Variants in DNAH12 observed in about 807,000 individuals in gnomAD.
The protein encoded by DNAH12 is dynein axonemal heavy chain 12, also known as axonemal beta dynein heavy chain 12.
DNAH12 carries 285 observed loss-of-function variants against 371.5 expected under a neutral mutation model. That is an observed-to-expected ratio of 0.77 (90% CI 0.70 to 0.85). The LOEUF is 0.85. DNAH12 is among the 40% of genes least tolerant of loss of function. The pLI, the probability that DNAH12 is intolerant of heterozygous loss-of-function variation, is 0.00. For missense variants in DNAH12, 3,611 were observed against 3,689.4 expected, an observed-to-expected ratio of 0.98 and a Z score of 0.55; for synonymous variants, 1,200 against 1,213.0, an observed-to-expected ratio of 0.99 and a Z score of 0.22.
At position 57,483,400 on chromosome 3, in the gene DNAH12, G is replaced by A. The variant is rs369655732; in HGVS notation, c.1626C>T (p.Ile542=). Residue 542 remains isoleucine (I), a synonymous_variant, in exon 13 of 74, where the codon ATC becomes ATT. Transcript: ENST00000495027. ...SYVEKARTVG[I]EELILRIQES... ...CCTGGATCCTTAAAATCAACTCTTC[G>A]ATTCCTACAGTCCGGGCTTTTTCTA... is the stretch of plus-strand genomic sequence containing the variant. 12 of 1,546,670 alleles carry A rather than the reference G, an allele frequency of 7.8e-6. No individual in the cohort carries two copies. The highest frequency in any genetic ancestry group is 6.1e-5 in the Admixed American group (3 of 49,378).
intron 35 of DNAH12, among the ~76,000 whole-genome samples, chr3:57,424,464 C>A (rs2064693914): frequency 1.0e-5 from 1 of 98,328 alleles, no homozygotes; most frequent in Non-Finnish European, 1.9e-5. Context: ...GGGCAAGATT[C>A]CATCTCAAAA....
rs537804263 is a variant in DNAH12, at chr3:57,294,848, A to G, written c.11692+677T>C. Among the ~76,000 whole-genome samples, 12 of 152,366 alleles carry G rather than the reference A, an allele frequency of 7.9e-5. No homozygotes were observed. In the South Asian group the frequency reaches 2.5e-3, roughly 32 times the overall value. On this transcript the variant is annotated intron_variant, in intron 73 of 73. Transcript: ENST00000495027. ...TCCAAACTAAGGTCACGTTTCTCATAGTTATAACTGAACCACATTCGTAAT... is the reference window on the plus strand; with the variant it reads ...TCCAAACTAAGGTCACGTTTCTCATGGTTATAACTGAACCACATTCGTAAT...
At position 57,520,038 on chromosome 3, in the gene DNAH12, GTTGGGTTGGGGAAA is replaced by G. The variant is rs2068356481; in HGVS notation, c.279+3531_279+3544del. 21 of 681,916 alleles carry G rather than the reference GTTGGGTTGGGGAAA, an allele frequency of 3.1e-5. No homozygotes were observed. In the South Asian group the frequency reaches 3.7e-4, roughly 12 times the overall value. The allele number at this position is 681,916 out of a possible 1,614,324, so 42.2% of individuals were successfully genotyped here. ...TAGCGCCGCGGAGCCGATGGCCGAC[GTTGGGTTGGGGAAA>G]GCCGGAGGCTGTGGCGGCTCTGTGG... On this transcript the variant is annotated intron_variant, in intron 4 of 73. Transcript: ENST00000495027.
intron 60 of DNAH12, among the ~76,000 whole-genome samples, chr3:57,341,397 A>C (rs782223832): frequency 1.3e-5 from 2 of 152,208 alleles, no homozygotes; most frequent in Non-Finnish European, 2.9e-5. Context: ...AATTCAGTAA[A>C]GTTGCAGGAT....
Position 57,421,654 on chromosome 3 carries a change from T to C in DNAH12, c.5426A>G (p.Asp1809Gly). ...IWSIGGSCDTDGRRVFDTFIR... is the reference protein window; with the variant it reads ...IWSIGGSCDTGGRRVFDTFIR... Reference sequence around the variant, plus strand: ...GAAAGTATCAAAAACACGACGGCCATCTGTATCACAACTTCCTCCAATCGA... The same window carrying C: ...GAAAGTATCAAAAACACGACGGCCACCTGTATCACAACTTCCTCCAATCGA... Residue 1809 changes from aspartate (D) to glycine (G), a missense_variant, in exon 36 of 74, where the codon GAT becomes GGT. Asp to Gly is a moderately conservative substitution (Grantham distance 94). Around this residue, in one of 3 missense-constraint regions of DNAH12, gnomAD observed 2,266 missense variants for 2,236.9 expected, o/e 1.01. Transcript: ENST00000495027. 1 of 1,551,644 alleles carries C rather than the reference T, an allele frequency of 6.4e-7. No homozygotes were observed. Among genetic ancestry groups the C allele is most frequent in the Non-Finnish European group, 8.7e-7 (1 of 1,146,980 alleles).
At chr3:57,454,505 G>T (rs1260937572) in intron 23 of DNAH12, among the ~76,000 whole-genome samples, 2 of 151,250 alleles carry the variant, frequency 1.3e-5, no homozygotes, top group African/African-American at 4.9e-5. Flanking sequence ...ATGAATAGTT[G>T]TAATTTTAAG....
intron 11 of DNAH12, among the ~76,000 whole-genome samples, chr3:57,499,418 G>T (rs1575689696): frequency 6.6e-6 from 1 of 151,116 alleles, no homozygotes; most frequent in East Asian, 1.9e-4. Context: ...AATTAATAAA[G>T]AATTTTTAAA....
intron 59 of DNAH12, among the ~76,000 whole-genome samples, chr3:57,354,538 T>TAAAA (rs1372789364): frequency 7.6e-5 from 4 of 52,900 alleles, no homozygotes; most frequent in African/African-American, 1.9e-4. Flanking sequence ...TCTTGTTTGC[T>TAAAA]AAAAAAAAAA....
At chr3:57,519,656 C>T in intron 4 of DNAH12, 2 of 1,494,708 alleles carry the variant, frequency 1.3e-6, no homozygotes, top group Admixed American at 1.7e-5. Flanking sequence ...ACTAAGAAGC[C>T]TTCTAACCGC....
At chr3:57,420,193 C>T (rs1047188168) in intron 36 of DNAH12, among the ~76,000 whole-genome samples, 1 of 152,104 alleles carries the variant, frequency 6.6e-6, no homozygotes, top group Non-Finnish European at 1.5e-5. Context: ...CTTCACTCCA[C>T]CCCCAACCAT....
intron 62 of DNAH12, among the ~76,000 whole-genome samples, chr3:57,328,861 A>C (rs1404261461): frequency 1.5e-5 from 2 of 129,326 alleles, no homozygotes; most frequent in African/African-American, 3.2e-5. Flanking sequence ...AATTCAGCAA[A>C]GTCTCAGGAT....
At chr3:57,339,350 G>A (rs1339809899) in intron 60 of DNAH12, among the ~76,000 whole-genome samples, 1 of 146,026 alleles carries the variant, frequency 6.8e-6, no homozygotes, top group Non-Finnish European at 1.5e-5. Flanking sequence ...CCCCCTCTCC[G>A]AGAAACACCC....
At chr3:57,534,475 C>G (rs546415911) in intron 2 of DNAH12, among the ~76,000 whole-genome samples, 1 of 145,024 alleles carries the variant, frequency 6.9e-6, no homozygotes, top group Admixed American at 6.9e-5. Flanking sequence ...ACCATGATCA[C>G]TTTCTGAGGT....
chr3:57,309,796 G>C lies in DNAH12; in HGVS notation c.10955C>G (p.Ser3652Cys), dbSNP rs770472817. The change falls in exon 68 of 74, where the codon TCC becomes TGC. Residue 3652 changes from serine (S) to cysteine (C), a missense_variant. Physicochemically the swap from Ser to Cys is moderately radical, Grantham distance 112. Around this residue, in one of 3 missense-constraint regions of DNAH12, gnomAD observed 2,266 missense variants for 2,236.9 expected, o/e 1.01. Coordinates refer to ENST00000495027, the MANE Select transcript of DNAH12 (RefSeq NM_001366028.2). The stretch of plus-strand genomic sequence containing the variant: ...GGTTTTTGTTTGTTGAAGATCCTTG[G>C]AGATGTCAACGTTTTCATGTAATCC... ...IFGLHENVDISKDLQQTKTLF... is the reference protein window; with the variant it reads ...IFGLHENVDICKDLQQTKTLF... 4 of 1,551,310 alleles carry C rather than the reference G, an allele frequency of 2.6e-6. No homozygotes were observed. Among genetic ancestry groups the C allele is most frequent in the Non-Finnish European group, 2.6e-6 (3 of 1,146,862 alleles).
At chr3:57,376,104 T>C (rs1371121230) in intron 53 of DNAH12, 139 bp from the exon 54 acceptor site, 1 of 152,070 alleles carries the variant, frequency 6.6e-6, no homozygotes, top group Non-Finnish European at 1.5e-5. Flanking sequence ...TAAAATGAGG[T>C]TGGAACCCTT....
intron 12 of DNAH12, among the ~76,000 whole-genome samples, chr3:57,484,661 AAC>A (rs1456225303): frequency 6.6e-6 from 1 of 152,170 alleles, no homozygotes; most frequent in African/African-American, 2.4e-5. Context: ...CTCAAAAGCA[AAC>A]ACAACAAAAA....
chr3:57,463,021 G>A (rs1365215480), intron 17 of DNAH12, 146 bp from the exon 18 acceptor site: 4 of 562,076 alleles, frequency 7.1e-6, no homozygotes, highest in Admixed American at 3.3e-5. Context: ...ACCTCAATTA[G>A]ATTTGGAAGG....
At chr3:57,432,192 T>C (rs2064977095) in intron 32 of DNAH12, among the ~76,000 whole-genome samples, 1 of 139,650 alleles carries the variant, frequency 7.2e-6, no homozygotes, top group Admixed American at 7.7e-5. Context: ...TTTTCTGAGA[T>C]GGAGTCTTGC....
chr3:57,474,954 G>A (rs1272571316), intron 13 of DNAH12, among the ~76,000 whole-genome samples: 7 of 138,274 alleles, frequency 5.1e-5, no homozygotes, highest in African/African-American at 1.6e-4. Context: ...CCAGCCTAGC[G>A]ACAGAGCGAG....
Sources: allele counts gnomAD v4.1 joint callset (sites outside exome capture counted in the v4.1 genomes callset), GRCh38; gene constraint gnomAD v4.1.1; regional missense constraint gnomAD v4.1.1; transcripts MANE v1.5; gene names NCBI Gene and HGNC (gene_info 2026-07-23, HGNC 2026-07-21).